The following TSPAN12 variants were observed in gnomAD, a reference collection of about 807,000 sequenced individuals.
TSPAN12 encodes tetraspanin 12.
TSPAN12 carries 19 observed loss-of-function variants against 39.2 expected under a neutral mutation model. That is an observed-to-expected ratio of 0.49 (90% CI 0.34 to 0.71). The LOEUF is 0.71. TSPAN12 is among the 30% of genes least tolerant of loss of function. The pLI is 0.01. For synonymous variants in TSPAN12, 119 were observed against 124.8 expected, an observed-to-expected ratio of 0.95 and a Z score of 0.31; for missense variants, 314 against 359.9, an observed-to-expected ratio of 0.87 and a Z score of 1.03.
chr7:120,832,103 T>C (rs1194248163), intron 4 of TSPAN12, among the ~76,000 whole-genome samples: 1 of 152,050 alleles, frequency 6.6e-6, no homozygotes, highest in African/African-American at 2.4e-5. Context: ...ATACAAACAT[T>C]ACTATCATGT....
At chr7:120,837,982 TAA>T (rs137952405) in intron 4 of TSPAN12, among the ~76,000 whole-genome samples, 4,021 of 152,280 alleles carry the variant, frequency 0.026, 173 homozygotes, top group African/African-American at 0.092. Context: ...TCAAATTGTT[TAA>T]GTTCTTTATA....
chr7:120,857,386 G>T, intron 1 of TSPAN12: 1 of 156,686 alleles, frequency 6.4e-6, no homozygotes, highest in South Asian at 1.7e-4. Flanking sequence ...CGGGGGCGGG[G>T]GCGGGGGCGA....
At chr7:120,788,950 A>G in intron 7 of TSPAN12, 53 bp from the exon 8 acceptor site, 1 of 1,580,150 alleles carries the variant, frequency 6.3e-7, no homozygotes. Flanking sequence ...CAGAAGGCCA[A>G]AAATAGTTAA....
At chr7:120,796,607 C>A (rs1489013768) in intron 7 of TSPAN12, among the ~76,000 whole-genome samples, 1 of 152,094 alleles carries the variant, frequency 6.6e-6, no homozygotes, top group African/African-American at 2.4e-5. Context: ...AGAAAAAAAT[C>A]TCTACACTCA....
intron 4 of TSPAN12, among the ~76,000 whole-genome samples, chr7:120,830,412 T>C (rs1794369582): frequency 6.6e-6 from 1 of 151,976 alleles, no homozygotes; most frequent in South Asian, 2.1e-4. Flanking sequence ...TATAAAGTTA[T>C]AGTAATCAAA....
At chr7:120,839,219 C>G (rs538777918) in intron 3 of TSPAN12, among the ~76,000 whole-genome samples, 1 of 152,210 alleles carries the variant, frequency 6.6e-6, no homozygotes, top group East Asian at 1.9e-4. Context: ...TCTCCGAAGC[C>G]TTAGCCTAAG....
At chr7:120,793,433 C>T (rs985258809) in intron 7 of TSPAN12, among the ~76,000 whole-genome samples, 1 of 152,188 alleles carries the variant, frequency 6.6e-6, no homozygotes, top group African/African-American at 2.4e-5. Flanking sequence ...ATTATCTTCA[C>T]ACTCAGGTAG....
intron 7 of TSPAN12, among the ~76,000 whole-genome samples, chr7:120,799,292 G>A (rs1051945457): frequency 6.6e-6 from 1 of 150,964 alleles, no homozygotes; most frequent in African/African-American, 2.4e-5. Context: ...CTTGCCAGAA[G>A]GCCAAGTCCA....
intron 7 of TSPAN12, among the ~76,000 whole-genome samples, chr7:120,805,226 A>C (rs2116343304): frequency 6.6e-6 from 1 of 152,214 alleles, no homozygotes; most frequent in South Asian, 2.1e-4. Context: ...GTAACAGCCC[A>C]GAGTTACTCA....
chr7:120,848,864 T>C (rs1794720926), intron 2 of TSPAN12, among the ~76,000 whole-genome samples: 1 of 152,166 alleles, frequency 6.6e-6, no homozygotes, highest in African/African-American at 2.4e-5. Context: ...TAAAAACAAA[T>C]ATAGTGCATG....
chr7:120,836,427 A>G (rs563970968), intron 4 of TSPAN12, among the ~76,000 whole-genome samples: 36 of 152,352 alleles, frequency 2.4e-4, no homozygotes, highest in African/African-American at 7.9e-4. Flanking sequence ...CTAGGGACAC[A>G]TGGAACAGCA....
At chr7:120,817,000 G>T (rs1794096226) in intron 4 of TSPAN12, among the ~76,000 whole-genome samples, 1 of 152,162 alleles carries the variant, frequency 6.6e-6, no homozygotes, top group Admixed American at 6.6e-5. Flanking sequence ...CAGATAAATT[G>T]TCAGGGGTAA....
At chr7:120,852,450 TC>T (rs1794787369) in intron 2 of TSPAN12, among the ~76,000 whole-genome samples, 1 of 152,164 alleles carries the variant, frequency 6.6e-6, no homozygotes, top group African/African-American at 2.4e-5. Context: ...TACTTGTAAT[TC>T]CCATGAGAAC....
At chr7:120,845,063 AGCTGCCTAG>A (rs1272522782) in intron 2 of TSPAN12, among the ~76,000 whole-genome samples, 1 of 152,200 alleles carries the variant, frequency 6.6e-6, no homozygotes, top group African/African-American at 2.4e-5. Flanking sequence ...ACCACATGGA[AGCTGCCTAG>A]GCTAATGGCT....
intron 4 of TSPAN12, among the ~76,000 whole-genome samples, chr7:120,831,244 C>A (rs1458035471): frequency 6.6e-6 from 1 of 151,878 alleles, no homozygotes; most frequent in African/African-American, 2.4e-5. Flanking sequence ...TGGAGGTTTT[C>A]AAAAAATTAT....
chr7:120,823,557 T>C (rs1794227843), intron 4 of TSPAN12, among the ~76,000 whole-genome samples: 1 of 152,038 alleles, frequency 6.6e-6, no homozygotes, highest in African/African-American at 2.4e-5. Context: ...AATTATGAAA[T>C]GTCTGGGTTG....
intron 2 of TSPAN12, 42 bp downstream of exon 2, chr7:120,856,656 A>G (rs1473594211): frequency 6.2e-7 from 1 of 1,605,634 alleles, no homozygotes. Context: ...AGAAAACCAG[A>G]GCCAGCCGTT....
intron 7 of TSPAN12, among the ~76,000 whole-genome samples, chr7:120,799,401 A>G: frequency 7.0e-6 from 1 of 142,254 alleles, no homozygotes; most frequent in South Asian, 2.1e-4. Context: ...TATTTATTAT[A>G]TTAAATATTT....
chr7:120,851,106 T>C (rs1794761843), intron 2 of TSPAN12, among the ~76,000 whole-genome samples: 1 of 152,230 alleles, frequency 6.6e-6, no homozygotes, highest in South Asian at 2.1e-4. Context: ...ATTCATAGCG[T>C]AAAGTTGGGG....
Sources: allele counts gnomAD v4.1 joint callset (sites outside exome capture counted in the v4.1 genomes callset), GRCh38; gene constraint gnomAD v4.1.1; transcripts MANE v1.5; gene names NCBI Gene and HGNC (gene_info 2026-07-23, HGNC 2026-07-21).